CLOCK: variants seen among roughly 807,000 people sequenced by gnomAD.
The protein encoded by CLOCK is circadian locomoter output cycles protein kaput.
CLOCK carries 43 observed loss-of-function variants against 118.4 expected under a neutral mutation model. The observed-to-expected ratio is 0.36, with a 90% CI of 0.28 to 0.47. The LOEUF (loss-of-function observed/expected upper bound fraction) is 0.47. Ranked by LOEUF, CLOCK falls within the 20% of genes least tolerant of loss-of-function variation. The pLI, the probability that CLOCK is intolerant of heterozygous loss-of-function variation, is 1.00. For missense variants in CLOCK, 846 were observed against 999.9 expected (o/e 0.85, Z 2.08); for synonymous variants, 326 against 339.2 (o/e 0.96, Z 0.43).
rs575959301 is a variant in CLOCK at position 55,513,796 on chromosome 4, T to C, written c.-289-3731A>G. ...CCATGAACATGTTATTTAGTTATTG[T>C]TTATCAGAGTTTTGAAGTTTTCTTT... On this transcript the variant is annotated intron_variant, in intron 1 of 22. Coordinates refer to ENST00000513440, the MANE Select transcript of CLOCK (RefSeq NM_004898.4). 7.9e-5 allele frequency among the ~76,000 whole-genome samples: 12 copies of C among 152,190 alleles called. No homozygotes were observed. In the South Asian group the frequency reaches 1.7e-3, roughly 21 times the overall value.
intron 1 of CLOCK, among the ~76,000 whole-genome samples, chr4:55,516,062 C>G (rs993820144): frequency 6.6e-6 from 1 of 152,128 alleles, no homozygotes; most frequent in Non-Finnish European, 1.5e-5. Flanking sequence ...GGTCTGAGAA[C>G]AGATACTGTC....
chr4:55,537,547 C>A (rs189373592), intron 1 of CLOCK, among the ~76,000 whole-genome samples: 2 of 151,892 alleles, frequency 1.3e-5, no homozygotes, highest in Non-Finnish European at 2.9e-5. Context: ...GAGCCTGAGA[C>A]GTCGACACTG....
intron 1 of CLOCK, among the ~76,000 whole-genome samples, chr4:55,517,801 G>C (rs559653988): frequency 6.6e-6 from 1 of 152,262 alleles, no homozygotes; most frequent in South Asian, 2.1e-4. Context: ...AGTAGTAGTA[G>C]AATGTTGGCT....
At chr4:55,469,214 C>T (rs1209334577) in intron 8 of CLOCK, among the ~76,000 whole-genome samples, 1 of 151,868 alleles carries the variant, frequency 6.6e-6, no homozygotes, top group Non-Finnish European at 1.5e-5. Flanking sequence ...CAACCTCTGC[C>T]TCCCAGGTTC....
At chr4:55,481,999 A>C (rs1726966596) in intron 4 of CLOCK, among the ~76,000 whole-genome samples, 1 of 152,224 alleles carries the variant, frequency 6.6e-6, no homozygotes, top group Admixed American at 6.5e-5. Context: ...GATCACCACT[A>C]TTTTATGTGC....
rs1023556739 is a variant in CLOCK at position 55,430,145 on chromosome 4, C to A, written c.*5270G>T. The A allele has an allele frequency of 6.6e-6, 1 of 152,168 alleles. No individual in the cohort carries two copies. The highest frequency in any genetic ancestry group is 2.4e-5 in the African/African-American group (1 of 41,448). 9.4% of individuals were successfully genotyped at this position (152,168 alleles called of 1,614,324 possible). Reference sequence around the variant, plus strand: ...CTTTAAAAGCAATTGCTTCTTTGAACCCCTTTCTAAATTCTTTCATAAATA... The same window carrying A: ...CTTTAAAAGCAATTGCTTCTTTGAAACCCTTTCTAAATTCTTTCATAAATA... On this transcript the variant is annotated 3_prime_UTR_variant, in exon 23 of 23. Transcript: ENST00000513440.
At chr4:55,436,034 G>A (rs1722851934) in intron 22 of CLOCK, among the ~76,000 whole-genome samples, 1 of 152,142 alleles carries the variant, frequency 6.6e-6, no homozygotes, top group Admixed American at 6.5e-5. Context: ...CCAGGAGCGT[G>A]GTGGGCCCTG....
rs190841207 is a variant in CLOCK at position 55,483,855 on chromosome 4, T to A, written c.-43-1027A>T. On this transcript the variant is annotated intron_variant, in intron 3 of 22. Coordinates refer to ENST00000513440, the MANE Select transcript of CLOCK (RefSeq NM_004898.4). ...ATACCCAAATTGAAGGAAGTAAAACTTACTGCTTTAAAGCTGGATCACAAG... is the reference window on the plus strand; with the variant it reads ...ATACCCAAATTGAAGGAAGTAAAACATACTGCTTTAAAGCTGGATCACAAG... 1.7e-3 allele frequency among the ~76,000 whole-genome samples: 256 copies of A among 152,310 alleles called. 1 individual carries two copies. The highest frequency in any genetic ancestry group is 4.3e-4 in the Non-Finnish European group (29 of 68,024).
rs1727488373 is a variant in CLOCK at position 55,488,964 on chromosome 4, C to T, written c.-44+410G>A. 2.0e-5 allele frequency among the ~76,000 whole-genome samples: 3 copies of T among 152,122 alleles called. No homozygotes were observed. In the South Asian group the frequency reaches 6.2e-4, roughly 31 times the overall value. The stretch of plus-strand genomic sequence containing the variant: ...CCCAGGCTGGTATCAAACTTCTAGG[C>T]TTACACAATCCTCCCACCTCAGCCT... On this transcript the variant is annotated intron_variant, in intron 3 of 22. Transcript: ENST00000513440.
In CLOCK at chr4:55,432,270, AAGGAGCAACTTTATTAACCCTTCT is replaced by A. The variant is rs1722562891; in HGVS notation, c.*3121_*3144del. 1.3e-5 allele frequency: 2 copies of A among 151,808 alleles called. No individual in the cohort carries two copies. The highest frequency in any genetic ancestry group is 6.6e-5 in the Admixed American group (1 of 15,242). 9.4% of individuals were successfully genotyped at this position (151,808 alleles called of 1,614,324 possible). A position where few individuals can be genotyped will look rare whatever the true frequency, so the allele number is the denominator to read the frequency against. ...CTCGGTTCTGGTTTGACACCACTCT[AAGGAGCAACTTTATTAACCCTTCT>A]AGTTCTCACTTGCATTTGTTAAACA... is the stretch of plus-strand genomic sequence containing the variant. On this transcript the variant is annotated 3_prime_UTR_variant, in exon 23 of 23. Transcript: ENST00000513440.
At chr4:55,531,915 A>AC (rs1213430942) in intron 1 of CLOCK, among the ~76,000 whole-genome samples, 1 of 151,196 alleles carries the variant, frequency 6.6e-6, no homozygotes, top group East Asian at 1.9e-4. Context: ...AAAAACAAAA[A>AC]CAAAAACAAA....
At chr4:55,499,375 C>T (rs112939416) in intron 2 of CLOCK, among the ~76,000 whole-genome samples, 4 of 152,272 alleles carry the variant, frequency 2.6e-5, no homozygotes, top group African/African-American at 7.2e-5. Context: ...CCATGGACAG[C>T]GGGGATGGTT....
chr4:55,531,568 G>A (rs898748301), intron 1 of CLOCK, among the ~76,000 whole-genome samples: 4 of 151,990 alleles, frequency 2.6e-5, no homozygotes, highest in African/African-American at 7.2e-5. Context: ...AGCTGGGCGT[G>A]GTGGTATGCG....
intron 9 of CLOCK, among the ~76,000 whole-genome samples, chr4:55,461,812 CT>C (rs1043562927): frequency 6.6e-6 from 1 of 152,036 alleles, no homozygotes; most frequent in African/African-American, 2.4e-5. Context: ...TTTGTTTTTC[CT>C]TTTTTTGCAG....
intron 22 of CLOCK, among the ~76,000 whole-genome samples, chr4:55,437,876 C>T (rs1577668250): frequency 6.6e-6 from 1 of 152,094 alleles, no homozygotes; most frequent in Non-Finnish European, 1.5e-5. Context: ...TTGAATTCAA[C>T]AAAATAATTT....
intron 1 of CLOCK, among the ~76,000 whole-genome samples, chr4:55,527,860 T>C (rs562715513): frequency 5.3e-5 from 8 of 151,112 alleles, no homozygotes; most frequent in Non-Finnish European, 7.4e-5. Flanking sequence ...CTTGGCAACA[T>C]AGCGAGATCT....
chr4:55,535,592 G>A (rs1233492764), intron 1 of CLOCK, among the ~76,000 whole-genome samples: 1 of 152,042 alleles, frequency 6.6e-6, no homozygotes, highest in South Asian at 2.1e-4. Flanking sequence ...CTGCACTTAG[G>A]TAAAATGAAC....
In CLOCK at chr4:55,478,903, T is replaced by G; in HGVS notation, c.168A>C (p.Glu56Asp). ...CATTACCAGGAAGCATGGATCCCAG[T>G]TCTTTAATGAGAACATTAAATTGAT... ...RRDQFNVLIK[E>D]LGSMLPGNAR... Residue 56 changes from glutamate to aspartate, a missense_variant, in exon 6 of 23, where the codon GAA becomes GAC. By Grantham distance (45) the Glu-to-Asp change is conservative. Transcript: ENST00000513440. The G allele has an allele frequency of 6.2e-7, 1 of 1,609,748 alleles. No individual in the cohort carries two copies. The highest frequency in any genetic ancestry group is 8.5e-7 in the Non-Finnish European group (1 of 1,177,108).
At position 55,460,150 on chromosome 4, in the gene CLOCK, G is replaced by T. The variant is rs562467329; in HGVS notation, c.560-889C>A. On this transcript the variant is annotated intron_variant, in intron 9 of 22. Coordinates refer to ENST00000513440, the MANE Select transcript of CLOCK (RefSeq NM_004898.4). ...ATTCTTCTCAAGATTACTAACATTTGTATCGTTAACTTCAATGATTTTTCA... is the reference window on the plus strand; with the variant it reads ...ATTCTTCTCAAGATTACTAACATTTTTATCGTTAACTTCAATGATTTTTCA... Among the ~76,000 whole-genome samples, 89 of 152,206 alleles carry T rather than the reference G, an allele frequency of 5.8e-4. No individual in the cohort carries two copies. In the Middle Eastern group the frequency reaches 0.01, roughly 17 times the overall value.
Sources: allele counts gnomAD v4.1 joint callset (sites outside exome capture counted in the v4.1 genomes callset), GRCh38; gene constraint gnomAD v4.1.1; transcripts MANE v1.5; gene names NCBI Gene and HGNC (gene_info 2026-07-23, HGNC 2026-07-21).